Variants in KIF5B observed in about 807,000 individuals in gnomAD.
The protein encoded by KIF5B is kinesin family member 5B.
Under a neutral mutation model 132.8 loss-of-function variants are expected in KIF5B, and 49 were observed. That is an observed-to-expected ratio of 0.37 (90% CI 0.29 to 0.47). The LOEUF (loss-of-function observed/expected upper bound fraction) is 0.47. KIF5B is among the 20% of genes least tolerant of loss of function. The pLI, the probability that KIF5B is intolerant of heterozygous loss-of-function variation, is 1.00. For missense variants in KIF5B, 780 were observed against 1,144.0 expected (o/e 0.68, Z 4.59); for synonymous variants, 355 against 369.4 (o/e 0.96, Z 0.45).
At chr10:32,037,119 T>TAA in intron 8 of KIF5B, 135 bp downstream of exon 8, 1 of 715,268 alleles carries the variant, frequency 1.4e-6, no homozygotes, top group South Asian at 1.8e-5. Context: ...GGCACTGGCA[T>TAA]CAGCGGTTAC....
intron 9 of KIF5B, 74 bp from the exon 10 acceptor site, chr10:32,035,741 CAACT>C (rs1469730296): frequency 1.0e-5 from 15 of 1,449,274 alleles, no homozygotes; most frequent in Non-Finnish European, 1.4e-5. Flanking sequence ...TCCCAAAAGA[CAACT>C]AACTTACACA....
intron 2 of KIF5B, among the ~76,000 whole-genome samples, chr10:32,044,676 C>A (rs1434596703): frequency 2.0e-5 from 3 of 148,578 alleles, no homozygotes; most frequent in Admixed American, 1.3e-4. Flanking sequence ...AACTCCGTCT[C>A]AATTTAAAAA....
chr10:32,049,323 T>C lies in KIF5B; in HGVS notation c.127-772A>G, dbSNP rs572241458. Among the ~76,000 whole-genome samples the C allele has an allele frequency of 1.9e-4, 29 of 152,244 alleles. No individual in the cohort carries two copies. In the South Asian group the frequency reaches 3.7e-3, roughly 20 times the overall value. On this transcript the variant is annotated intron_variant, in intron 1 of 25. Transcript: ENST00000302418. ...GCTATGAAAGTGCAATGAGAGAATA[T>C]AGGAGGAGAACCTAAGTCTACGGGA...
intron 17 of KIF5B, among the ~76,000 whole-genome samples, chr10:32,021,617 G>C (rs569349927): frequency 6.6e-6 from 1 of 150,478 alleles, no homozygotes; most frequent in Admixed American, 6.6e-5. Flanking sequence ...ACCCCGCTTC[G>C]TAACTGTGGG....
chr10:32,055,638 G>A (rs1482732511), intron 1 of KIF5B, among the ~76,000 whole-genome samples: 3 of 152,142 alleles, frequency 2.0e-5, no homozygotes, highest in African/African-American at 7.2e-5. Flanking sequence ...CCCGTCTCCC[G>A]GCGCCGAAGA....
intron 11 of KIF5B, 117 bp downstream of exon 11, chr10:32,034,573 G>A (rs1034170543): frequency 2.3e-5 from 15 of 656,446 alleles, no homozygotes; most frequent in East Asian, 3.3e-5. Flanking sequence ...AAATTATTTC[G>A]ATGTCTATTA....
At chr10:32,031,359 A>G in intron 13 of KIF5B, 80 bp from the exon 14 acceptor site, 1 of 1,049,960 alleles carries the variant, frequency 9.5e-7, no homozygotes, top group Admixed American at 2.1e-5. Context: ...CCATTTGTCA[A>G]GAACAAATGG....
Position 32,055,843 on chromosome 10 carries a change from C to T in KIF5B, c.126+5G>A. 1 of 1,611,356 alleles carries T rather than the reference C, an allele frequency of 6.2e-7. No homozygotes were observed. The highest frequency in any genetic ancestry group is 8.5e-7 in the Non-Finnish European group (1 of 1,179,388). Reference sequence around the variant, plus strand: ...GGAGGAGGGATGCCGGCGGGGGTCACTCACCGCGATCACGACCGTGTCTTC... The same window carrying T: ...GGAGGAGGGATGCCGGCGGGGGTCATTCACCGCGATCACGACCGTGTCTTC... On this transcript the variant is annotated splice_donor_5th_base_variant and intron_variant, in intron 1 of 25. Transcript: ENST00000302418.
intron 22 of KIF5B, 70 bp downstream of exon 22, chr10:32,018,246 T>C (rs572100337): frequency 6.9e-7 from 1 of 1,455,590 alleles, no homozygotes; most frequent in Non-Finnish European, 9.3e-7. Context: ...TTATTTCACT[T>C]TGAATACAAA....
At chr10:32,044,730 A>C (rs1003951568) in intron 2 of KIF5B, among the ~76,000 whole-genome samples, 1 of 152,152 alleles carries the variant, frequency 6.6e-6, no homozygotes, top group African/African-American at 2.4e-5. Context: ...AGCAGCTGAT[A>C]CCTGTATTGT....
intron 23 of KIF5B, among the ~76,000 whole-genome samples, chr10:32,017,843 C>T (rs1428756309): frequency 6.6e-6 from 1 of 152,174 alleles, no homozygotes; most frequent in East Asian, 1.9e-4. Flanking sequence ...AATGAGAATA[C>T]ATGTTTTCAC....
At chr10:32,040,943 G>A (rs997899765) in intron 2 of KIF5B, among the ~76,000 whole-genome samples, 1 of 149,914 alleles carries the variant, frequency 6.7e-6, no homozygotes, top group African/African-American at 2.5e-5. Flanking sequence ...AGCCGAGATC[G>A]CGCCACTGCA....
At chr10:32,054,431 G>A (rs1841728783) in intron 1 of KIF5B, among the ~76,000 whole-genome samples, 1 of 152,196 alleles carries the variant, frequency 6.6e-6, no homozygotes, top group Admixed American at 6.5e-5. Flanking sequence ...GTGGCCTAAT[G>A]ACTTGTTTGC....
intron 17 of KIF5B, among the ~76,000 whole-genome samples, chr10:32,021,795 GC>G (rs1456007501): frequency 6.6e-6 from 1 of 151,992 alleles, no homozygotes; most frequent in Non-Finnish European, 1.5e-5. Context: ...ACACGGTGAA[GC>G]CCTGTCTCTA....
chr10:32,045,019 A>G (rs1423210318), intron 2 of KIF5B, among the ~76,000 whole-genome samples: 1 of 152,254 alleles, frequency 6.6e-6, no homozygotes, highest in African/African-American at 2.4e-5. Flanking sequence ...AACTGCAAAT[A>G]GTAATAAAAC....
At chr10:32,022,014 T>C in intron 17 of KIF5B, 126 bp downstream of exon 17, 2 of 594,680 alleles carry the variant, frequency 3.4e-6, no homozygotes, top group Middle Eastern at 5.8e-4. Context: ...CATTAATATG[T>C]ATGATTTGTT....
chr10:32,017,406 C>CTTT, intron 23 of KIF5B, 47 bp from the exon 24 acceptor site: 2 of 1,428,870 alleles, frequency 1.4e-6, no homozygotes, highest in Non-Finnish European at 1.9e-6. Context: ...AACAGGATGA[C>CTTT]TTGAAAAAGT....
Position 32,018,885 on chromosome 10 carries a change from G to T in KIF5B, c.2307-323C>A, listed in dbSNP as rs112653348. 2.6e-5 allele frequency among the ~76,000 whole-genome samples: 4 copies of T among 152,002 alleles called. No individual in the cohort carries two copies. The East Asian group carries it at 7.7e-4, about 29-fold the overall frequency. ...TGTCTAAAAAAATTTTTGTAGAGAC[G>T]GGGTCTCACTATATTGCCTAGGCTG... On this transcript the variant is annotated intron_variant, in intron 20 of 25. Transcript: ENST00000302418.
At chr10:32,016,134 C>T (rs1841157325) in intron 24 of KIF5B, among the ~76,000 whole-genome samples, 2 of 151,920 alleles carry the variant, frequency 1.3e-5, no homozygotes, top group African/African-American at 4.8e-5. Context: ...ACAAGCAAGA[C>T]CCTGTGTCAT....
Sources: allele counts gnomAD v4.1 joint callset (sites outside exome capture counted in the v4.1 genomes callset), GRCh38; gene constraint gnomAD v4.1.1; transcripts MANE v1.5; gene names NCBI Gene and HGNC (gene_info 2026-07-23, HGNC 2026-07-21).